The following MELK variants were observed in gnomAD, a reference collection of about 807,000 sequenced individuals.
MELK encodes maternal embryonic leucine zipper kinase, also known as pEg3 kinase.
Under a neutral mutation model 85.0 loss-of-function variants are expected in MELK, and 81 were observed. The observed-to-expected ratio is 0.95, with a 90% CI of 0.80 to 1.15. The LOEUF is 1.15. MELK is among the 50% of genes most tolerant of loss of function. MELK has a pLI of 0.00. For missense variants in MELK, 754 were observed against 777.5 expected (o/e 0.97, Z 0.36); for synonymous variants, 252 against 265.0 (o/e 0.95, Z 0.48).
intron 1 of MELK, among the ~76,000 whole-genome samples, chr9:36,580,586 G>C (rs1822127538): frequency 6.6e-6 from 1 of 152,004 alleles, no homozygotes; most frequent in Admixed American, 6.6e-5. Flanking sequence ...CCAAAGTGCT[G>C]GGATTACAGG....
chr9:36,649,631 T>C (rs1414787390), intron 11 of MELK, among the ~76,000 whole-genome samples: 1 of 151,980 alleles, frequency 6.6e-6, no homozygotes, highest in Non-Finnish European at 1.5e-5. Flanking sequence ...TAGCCAGGCG[T>C]GGTGGCATGT....
At chr9:36,604,102 T>C (rs763030315) in intron 7 of MELK, among the ~76,000 whole-genome samples, 2 of 151,108 alleles carry the variant, frequency 1.3e-5, no homozygotes, top group Non-Finnish European at 2.9e-5. Flanking sequence ...CCCGAATTGC[T>C]GGAATTACAG....
intron 14 of MELK, among the ~76,000 whole-genome samples, chr9:36,665,796 G>A (rs189094750): frequency 9.8e-4 from 149 of 152,186 alleles, no homozygotes; most frequent in African/African-American, 3.2e-3. Flanking sequence ...TCTTTTTCAC[G>A]TTTATAAAAT....
rs554431255 is a variant in MELK at position 36,605,953 on chromosome 9, T to TA, written c.568-1604dup. On this transcript the variant is annotated intron_variant, in intron 7 of 17. Transcript: ENST00000298048. ...AGGCAACAGAGTGAGACCCTGTCTC[T>TA]AAAAAAAAAAAAAAAAAATTTCCTA... Among the ~76,000 whole-genome samples the TA allele has an allele frequency of 9.8e-3, 1,254 of 128,370 alleles. 21 individuals carry two copies. Among genetic ancestry groups the TA allele is most frequent in the South Asian group, 0.059 (234 of 3,964 alleles). 84.2% of individuals were successfully genotyped at this position (128,370 alleles called of 152,430 possible). A position where few individuals can be genotyped will look rare whatever the true frequency, so the allele number is the denominator to read the frequency against.
In MELK at chr9:36,669,418, G is replaced by GT. The variant is rs1832696387; in HGVS notation, c.1505+19dup. ...AGCCCTGAGAGGCGGTAAGTGTTTG[G>GT]TTTTTTTAGACTCTAATCTTTAGTA... On this transcript the variant is annotated intron_variant, in intron 15 of 17. Transcript: ENST00000298048. 2 of 1,559,748 alleles carry GT rather than the reference G, an allele frequency of 1.3e-6. No individual in the cohort carries two copies. The highest frequency in any genetic ancestry group is 1.7e-6 in the Non-Finnish European group (2 of 1,147,252).
chr9:36,633,013 T>C, intron 9 of MELK, 89 bp from the exon 10 acceptor site: 1 of 877,026 alleles, frequency 1.1e-6, no homozygotes, highest in South Asian at 1.5e-5. Flanking sequence ...TTACATCTGT[T>C]CTGATGCATT....
rs148033773 is a variant in MELK, at chr9:36,588,137, A to G, written c.145-1399A>G. 9.1e-3 allele frequency among the ~76,000 whole-genome samples: 1,353 copies of G among 148,826 alleles called. 23 individuals are homozygous for G. The highest frequency in any genetic ancestry group is 0.03 in the African/African-American group (1,205 of 40,088). On this transcript the variant is annotated intron_variant, in intron 3 of 17. Coordinates refer to ENST00000298048, the MANE Select transcript of MELK (RefSeq NM_014791.4). ...GCTGGATCGATCTCGGCTCACCGCA[A>G]CTTCCACCTCCAGGGTTCAAGCAAT...
chr9:36,620,707 C>T (rs1485243867), intron 8 of MELK, among the ~76,000 whole-genome samples: 4 of 151,936 alleles, frequency 2.6e-5, no homozygotes, highest in Non-Finnish European at 5.9e-5. Context: ...CTCACCACCA[C>T]ACCCAGCTAA....
In MELK at chr9:36,651,802, G is replaced by T; in HGVS notation, c.978G>T (p.Arg326=). Residue 326 remains arginine (R), a synonymous_variant, in exon 12 of 18, where the codon CGG becomes CGT. Transcript: ENST00000298048. ...TTCTGCTTCTAGCCAAGAAGGCTCG[G>T]GGAAAACCAGTTCGTTTAAGGCTTT... ...TYLLLLAKKA[R]GKPVRLRLSS... is the part of the protein sequence containing the mutation. The T allele has an allele frequency of 6.2e-7, 1 of 1,613,970 alleles. No individual in the cohort carries two copies. Among genetic ancestry groups the T allele is most frequent in the African/African-American group, 1.3e-5 (1 of 74,992 alleles).
At chr9:36,657,101 T>C in intron 12 of MELK, 140 bp from the exon 13 acceptor site, 3 of 1,002,848 alleles carry the variant, frequency 3.0e-6, no homozygotes, top group Non-Finnish European at 4.3e-6. Context: ...GTAAGTACAT[T>C]TTATGATGTT....
At chr9:36,676,684 A>C (rs899404727) in intron 17 of MELK, among the ~76,000 whole-genome samples, 1 of 152,224 alleles carries the variant, frequency 6.6e-6, no homozygotes, top group African/African-American at 2.4e-5. Context: ...CCTCAAAAAC[A>C]CACGTGCCTT....
intron 13 of MELK, 112 bp from the exon 14 acceptor site, chr9:36,665,238 A>G (rs755221747): frequency 1.5e-6 from 1 of 651,312 alleles, no homozygotes; most frequent in Non-Finnish European, 2.7e-6. Context: ...TCCTTTTGAT[A>G]ATTCATTTTA....
At chr9:36,588,792 A>AT (rs1328000834) in intron 3 of MELK, among the ~76,000 whole-genome samples, 1 of 151,996 alleles carries the variant, frequency 6.6e-6, no homozygotes, top group Non-Finnish European at 1.5e-5. Flanking sequence ...CCAACTTTTT[A>AT]TTTTGAAAGT....
intron 13 of MELK, among the ~76,000 whole-genome samples, chr9:36,661,944 A>G (rs1335620925): frequency 6.6e-6 from 1 of 151,346 alleles, no homozygotes. Flanking sequence ...CTCAAAAAAA[A>G]AAAAAAAAAA....
intron 13 of MELK, among the ~76,000 whole-genome samples, chr9:36,660,855 G>A (rs1041145008): frequency 5.9e-5 from 9 of 152,078 alleles, no homozygotes; most frequent in Non-Finnish European, 1.2e-4. Flanking sequence ...GCTGCCTGTG[G>A]TGGCACATGC....
chr9:36,574,670 G>A (rs891739241), intron 1 of MELK, among the ~76,000 whole-genome samples: 1 of 152,120 alleles, frequency 6.6e-6, no homozygotes, highest in African/African-American at 2.4e-5. Flanking sequence ...ATTATCCTCA[G>A]CATCAGTGTC....
At chr9:36,658,529 T>C (rs1831477560) in intron 13 of MELK, among the ~76,000 whole-genome samples, 1 of 152,216 alleles carries the variant, frequency 6.6e-6, no homozygotes. Context: ...TATTGTGACA[T>C]TGCTCTTACA....
At chr9:36,622,371 A>C (rs1271131870) in intron 8 of MELK, among the ~76,000 whole-genome samples, 1 of 152,202 alleles carries the variant, frequency 6.6e-6, no homozygotes, top group Non-Finnish European at 1.5e-5. Flanking sequence ...CTTGGGAATA[A>C]CACTTTCCTC....
intron 13 of MELK, among the ~76,000 whole-genome samples, 193 bp downstream of exon 13, chr9:36,657,556 A>G (rs750127204): frequency 5.3e-5 from 8 of 152,208 alleles, no homozygotes; most frequent in Non-Finnish European, 1.0e-4. Context: ...CCAAGATTCT[A>G]TTTTAGAGCT....
Sources: allele counts gnomAD v4.1 joint callset (sites outside exome capture counted in the v4.1 genomes callset), GRCh38; gene constraint gnomAD v4.1.1; transcripts MANE v1.5; gene names NCBI Gene and HGNC (gene_info 2026-07-23, HGNC 2026-07-21).